NPR1: variants seen among roughly 807,000 people sequenced by gnomAD.
The protein encoded by NPR1 is natriuretic peptide receptor 1.
NPR1 carries 57 observed loss-of-function variants against 116.9 expected under a neutral mutation model. That is an observed-to-expected ratio of 0.49 (90% CI 0.39 to 0.61). NPR1 has a LOEUF of 0.61. Among genes scored for constraint, NPR1 ranks in the 20% least tolerant of loss-of-function variants. NPR1 has a pLI of 0.00. For missense variants in NPR1, 1,096 were observed against 1,409.8 expected (o/e 0.78, Z 3.56); for synonymous variants, 555 against 601.6 (o/e 0.92, Z 1.13).
In NPR1 at chr1:153,678,993, C is replaced by A. The variant is rs934101250; in HGVS notation, c.-116C>A. 1 of 1,262,364 alleles carries A rather than the reference C, an allele frequency of 7.9e-7. No individual in the cohort carries two copies. The allele number at this position is 1,262,364 out of a possible 1,614,324, so 78.2% of individuals were successfully genotyped here. On this transcript the variant is annotated 5_prime_UTR_variant, in exon 1 of 22. Coordinates refer to ENST00000368680, the MANE Select transcript of NPR1 (RefSeq NM_000906.4). This position sits in a 1 kb window ranked among gnomAD's most constrained non-coding sequence, Gnocchi z 5.8. ...GAGCCCCGGGGTGAGCGTCCCCGTCCCGCTCCTGCTCCTTCCCATAGGGAC... is the reference window on the plus strand; with the variant it reads ...GAGCCCCGGGGTGAGCGTCCCCGTCACGCTCCTGCTCCTTCCCATAGGGAC...
Position 153,678,910 on chromosome 1 carries a change from C to A in NPR1, c.-199C>A. 1 of 666,424 alleles carries A rather than the reference C, an allele frequency of 1.5e-6. No homozygotes were observed. Among genetic ancestry groups the A allele is most frequent in the East Asian group, 3.4e-5 (1 of 29,088 alleles). 41.3% of individuals were successfully genotyped at this position (666,424 alleles called of 1,614,324 possible). A position where few individuals can be genotyped will look rare whatever the true frequency, so the allele number is the denominator to read the frequency against. Reference sequence around the variant, plus strand: ...CCTGCTCCGCGGCGCCCTGCGCGCCCCCCTCGGTCGCGCCCCTTGCGCTCT... The same window carrying A: ...CCTGCTCCGCGGCGCCCTGCGCGCCACCCTCGGTCGCGCCCCTTGCGCTCT... On this transcript the variant is annotated 5_prime_UTR_variant, in exon 1 of 22. Coordinates refer to ENST00000368680, the MANE Select transcript of NPR1 (RefSeq NM_000906.4). The surrounding 1 kb of genome is among the most constrained non-coding windows in gnomAD (Gnocchi z 5.8).
rs1457733557 is a variant in NPR1, at chr1:153,682,529, T to A, written c.1203T>A (p.Ser401Arg). The change falls in exon 5 of 22, where the codon AGT (serine) becomes AGA (arginine). Residue 401 changes from serine (S) to arginine (R), a missense_variant. Transcript: ENST00000368680. ...CAGGATACCTGAAAATTGATAGCAG[T>A]GGCGATCGGGAAACAGACTTCTCCC... ...GVTGYLKIDS[S>R]GDRETDFSLW... 6.2e-7 allele frequency: 1 copy of A among 1,614,106 alleles called. No homozygotes were observed. Among genetic ancestry groups the A allele is most frequent in the East Asian group, 2.2e-5 (1 of 44,888 alleles).
Position 153,681,256 on chromosome 1 carries a change from C to T in NPR1, c.998C>T (p.Ala333Val), listed in dbSNP as rs761199536. 8.7e-6 allele frequency: 14 copies of T among 1,612,968 alleles called. No homozygotes were observed. In the African/African-American group the frequency reaches 1.9e-4, roughly 22 times the overall value. Residue 333 changes from alanine (A) to valine (V), a missense_variant, in exon 3 of 22, where the codon GCC (alanine) becomes GTC (valine). Transcript: ENST00000368680. The part of the protein sequence containing the change: ...LEFLKQLKHL[A>V]YEQFNFTMED... ...TTCCTGAAGCAGTTAAAACACCTGG[C>T]CTATGAGCAGTTCAACTTCACCATG...
chr1:153,686,764 G>A lies in NPR1; in HGVS notation c.1863+14G>A, dbSNP rs1669942086. The A allele has an allele frequency of 6.2e-7, 1 of 1,607,934 alleles. No individual in the cohort carries two copies. Among genetic ancestry groups the A allele is most frequent in the Non-Finnish European group, 8.5e-7 (1 of 1,175,328 alleles). ...GGGAGCCTGCAGGTGAGGGGGACAA[G>A]GGGTGTCAAGAAACCTGGGTTCTAG... On this transcript the variant is annotated intron_variant, in intron 11 of 21. Transcript: ENST00000368680.
intron 8 of NPR1, 36 bp from the exon 9 acceptor site, chr1:153,685,770 C>T: frequency 6.4e-7 from 1 of 1,567,938 alleles, no homozygotes; most frequent in Non-Finnish European, 8.8e-7. Flanking sequence ...ACTGGGCCCA[C>T]CGGCTGACCA....
Position 153,687,620 on chromosome 1 carries a change from C to A in NPR1, c.2093-14C>A. ...GGCTCCCTCACTCGGTGACTACCGA[C>A]CTCTGACCCACAGAAAAGCTGTGGA... On this transcript the variant is annotated splice_polypyrimidine_tract_variant and intron_variant, in intron 13 of 21. Transcript: ENST00000368680. 1 of 1,571,030 alleles carries A rather than the reference C, an allele frequency of 6.4e-7. No homozygotes were observed.
At chr1:153,690,496 C>T in intron 20 of NPR1, 114 bp downstream of exon 20, 2 of 680,636 alleles carry the variant, frequency 2.9e-6, no homozygotes, top group South Asian at 3.8e-5. Context: ...TTTCGCCTCC[C>T]AAGTTCCCCT....
intron 15 of NPR1, among the ~76,000 whole-genome samples, chr1:153,688,506 G>C (rs989765652): frequency 1.3e-5 from 2 of 152,110 alleles, no homozygotes; most frequent in Non-Finnish European, 2.9e-5. Context: ...TCTCAGCAGT[G>C]TGTAGGATAG....
In NPR1 at chr1:153,682,648, T is replaced by TC. The variant is rs981211942; in HGVS notation, c.1263+66dup. 1.6e-4 allele frequency: 208 copies of TC among 1,267,732 alleles called. No homozygotes were observed. In the East Asian group the frequency reaches 3.4e-3, roughly 21 times the overall value. The allele number at this position is 1,267,732 out of a possible 1,614,324, so 78.5% of individuals were successfully genotyped here. ...CCAAATGACATCTCACCCTCCTACT[T>TC]CCCCCCCACAGCCCTGCCAGGGCAC... On this transcript the variant is annotated intron_variant, in intron 5 of 21. Coordinates refer to ENST00000368680, the MANE Select transcript of NPR1 (RefSeq NM_000906.4).
rs764707384 is a variant in NPR1, at chr1:153,688,970, T to A, written c.2435T>A (p.Ile812Asn). ...RKFNRENSSN[I>N]LDNLLSRMEQ... ...GCCCCCAGGGAGAACAGCAGCAACATCCTGGACAACCTGCTGTCCCGCATG... is the reference window on the plus strand; with the variant it reads ...GCCCCCAGGGAGAACAGCAGCAACAACCTGGACAACCTGCTGTCCCGCATG... The change falls in exon 16 of 22, where the codon ATC becomes AAC. Residue 812 changes from isoleucine to asparagine, a missense_variant. Transcript: ENST00000368680. 6.2e-7 allele frequency: 1 copy of A among 1,614,088 alleles called. No homozygotes were observed. The highest frequency in any genetic ancestry group is 8.5e-7 in the Non-Finnish European group (1 of 1,180,008).
chr1:153,688,959 C>T lies in NPR1; in HGVS notation c.2424C>T (p.Asn808=). The change falls in exon 16 of 22, where the codon AAC becomes AAT. Residue 808 remains asparagine, a synonymous_variant. Coordinates refer to ENST00000368680, the MANE Select transcript of NPR1 (RefSeq NM_000906.4). ...CGCCACCCTCTGCCCCCAGGGAGAA[C>T]AGCAGCAACATCCTGGACAACCTGC... The part of the protein sequence containing the change: ...RLTLRKFNRE[N]SSNILDNLLS... 2 of 1,614,096 alleles carry T rather than the reference C, an allele frequency of 1.2e-6. No individual in the cohort carries two copies. The highest frequency in any genetic ancestry group is 1.7e-6 in the Non-Finnish European group (2 of 1,179,988).
chr1:153,683,264 T>C (rs1403534886), intron 5 of NPR1, 112 bp from the exon 6 acceptor site: 5 of 1,269,434 alleles, frequency 3.9e-6, no homozygotes, highest in African/African-American at 3.0e-5. Flanking sequence ...AACCCAGATA[T>C]ATATGTAGGC....
chr1:153,693,168 C>A lies in NPR1; in HGVS notation c.3094C>A (p.Leu1032Met). The A allele has an allele frequency of 6.2e-7, 1 of 1,614,046 alleles. No individual in the cohort carries two copies. Among genetic ancestry groups the A allele is most frequent in the Non-Finnish European group, 8.5e-7 (1 of 1,179,950 alleles). ...AVLEEFGGFE[L>M]ELRGDVEMKG... ...CCTGGAGGAGTTTGGTGGTTTCGAG[C>A]TGGAGCTTCGAGGGGATGTAGAAAT... is the stretch of plus-strand genomic sequence containing the variant. Residue 1032 changes from leucine (L) to methionine (M), a missense_variant, in exon 21 of 22, where the codon CTG becomes ATG. Transcript: ENST00000368680.
intron 2 of NPR1, 130 bp from the exon 3 acceptor site, chr1:153,681,050 T>C (rs1185102913): frequency 3.0e-6 from 2 of 660,398 alleles, no homozygotes; most frequent in East Asian, 2.6e-5. Flanking sequence ...ATGCAGGGCA[T>C]AGGGTCCAGT....
chr1:153,692,215 G>A (rs539722780), intron 20 of NPR1, among the ~76,000 whole-genome samples: 1 of 152,132 alleles, frequency 6.6e-6, no homozygotes, highest in African/African-American at 2.4e-5. Flanking sequence ...TTTTGAGATG[G>A]GTACTGACAC....
intron 20 of NPR1, among the ~76,000 whole-genome samples, chr1:153,691,403 G>A (rs1441959212): frequency 6.6e-6 from 1 of 152,222 alleles, no homozygotes; most frequent in East Asian, 1.9e-4. Context: ...CCCTGGGATA[G>A]TAACATGGCC....
In NPR1 at chr1:153,688,233, T is replaced by TAA. The variant is rs754650922; in HGVS notation, c.2417+12_2417+13insAA. On this transcript the variant is annotated intron_variant, in intron 15 of 21. Coordinates refer to ENST00000368680, the MANE Select transcript of NPR1 (RefSeq NM_000906.4). ...CGCAAATTTAACAGGTCCCTGGTGT[T>TAA]TGTCATGGATCCCCCAGGCCCTTCC... The TAA allele has an allele frequency of 6.2e-7, 1 of 1,611,272 alleles. No homozygotes were observed. Among genetic ancestry groups the TAA allele is most frequent in the South Asian group, 1.1e-5 (1 of 90,816 alleles).
chr1:153,688,889 G>C (rs534429321), intron 15 of NPR1, 64 bp from the exon 16 acceptor site: 1 of 1,572,004 alleles, frequency 6.4e-7, no homozygotes. Context: ...GCCTAGGGGC[G>C]GGCGCTCACG....
In NPR1 at chr1:153,685,045, G is replaced by T; in HGVS notation, c.1566G>T (p.Arg522Ser). The change falls in exon 8 of 22, where the codon AGG (arginine) becomes AGT (serine). Residue 522 changes from arginine to serine, a missense_variant. Transcript: ENST00000368680. ...ACGTTGAGCCCAGTAGCCTTGAGAG[G>T]CACCTGCGGAGTGCAGGCAGCCGGC... Reference protein sequence around the residue: ...WEDVEPSSLERHLRSAGSRLT... With the variant: ...WEDVEPSSLESHLRSAGSRLT... 6.2e-7 allele frequency: 1 copy of T among 1,614,106 alleles called. No homozygotes were observed. The highest frequency in any genetic ancestry group is 8.5e-7 in the Non-Finnish European group (1 of 1,180,016).
Sources: allele counts gnomAD v4.1 joint callset (sites outside exome capture counted in the v4.1 genomes callset), GRCh38; gene constraint gnomAD v4.1.1; non-coding constraint Gnocchi (gnomAD v3.1); transcripts MANE v1.5; gene names NCBI Gene and HGNC (gene_info 2026-07-23, HGNC 2026-07-21).